MAD2L1BP: variants seen among roughly 807,000 people sequenced by gnomAD.
The protein encoded by MAD2L1BP is MAD2L1-binding protein.
Under a neutral mutation model 28.4 loss-of-function variants are expected in MAD2L1BP, and 22 were observed. The ratio of observed to expected loss-of-function variants is 0.77; its 90% CI spans 0.55 to 1.10. MAD2L1BP has a LOEUF of 1.10. Ranked by LOEUF, MAD2L1BP falls within the 50% of genes least tolerant of loss-of-function variation. MAD2L1BP has a pLI of 0.00. For synonymous variants in MAD2L1BP, 146 were observed against 133.7 expected (o/e 1.09, Z -0.63); for missense variants, 325 against 350.5 (o/e 0.93, Z 0.58).
chr6:43,629,633 G>A, exon 1 of MAD2L1BP: 1 of 1,106,696 alleles, frequency 9.0e-7, no homozygotes, highest in Non-Finnish European at 1.3e-6. Flanking sequence ...GGCGCTCCGG[G>A]ATTTGGCCCT....
intron 2 of MAD2L1BP, among the ~76,000 whole-genome samples, chr6:43,637,156 C>A (rs759265794): frequency 6.6e-6 from 1 of 152,088 alleles, no homozygotes; most frequent in Non-Finnish European, 1.5e-5. Context: ...CCTCCATGTC[C>A]CAGGTTCAAG....
Position 43,640,616 on chromosome 6 carries a change from T to C in MAD2L1BP, c.*83T>C, listed in dbSNP as rs1770510496. Reference sequence around the variant, plus strand: ...CTGAATCACCCATCTGGTTTGGAGCTAGAGTTGCTTCCTGGTGAGAGAGGA... The same window carrying C: ...CTGAATCACCCATCTGGTTTGGAGCCAGAGTTGCTTCCTGGTGAGAGAGGA... On this transcript the variant is annotated 3_prime_UTR_variant, in exon 3 of 3. Transcript: ENST00000372171. 23 of 1,438,418 alleles carry C rather than the reference T, an allele frequency of 1.6e-5. No individual in the cohort carries two copies. The East Asian group carries it at 4.9e-4, about 31-fold the overall frequency. The allele number at this position is 1,438,418 out of a possible 1,614,324, so 89.1% of individuals were successfully genotyped here.
chr6:43,635,634 G>C (rs1179506078), upstream of MAD2L1BP, among the ~76,000 whole-genome samples: 2 of 152,264 alleles, frequency 1.3e-5, no homozygotes, highest in Admixed American at 6.5e-5. Context: ...CTTTTAGAAA[G>C]CAGCGCTCAG....
chr6:43,636,185 G>A (rs938654760), intron 1 of MAD2L1BP, among the ~76,000 whole-genome samples, 196 bp from the exon 2 acceptor site: 1 of 152,090 alleles, frequency 6.6e-6, no homozygotes, highest in East Asian at 1.9e-4. Context: ...TCTTGCAGTC[G>A]ATTAAATCTC....
chr6:43,634,220 C>CTTTTTTTTTTTT (rs751773637), upstream of MAD2L1BP, among the ~76,000 whole-genome samples: 1 of 103,686 alleles, frequency 9.6e-6, no homozygotes, highest in African/African-American at 4.1e-5. Context: ...TTCTTTTTTT[C>CTTTTTTTTTTTT]TTTTTTTTTT....
At position 43,640,886 on chromosome 6, in the gene MAD2L1BP, C is replaced by T. The variant is rs1218402780; in HGVS notation, c.*353C>T. ...GTCCTTTCAGAATTTTTACCAGGAA[C>T]ATAATGTGGATGTGACTTATGAACT... On this transcript the variant is annotated 3_prime_UTR_variant, in exon 3 of 3. Coordinates refer to ENST00000372171, the MANE Select transcript of MAD2L1BP (RefSeq NM_014628.3). 1 of 238,640 alleles carries T rather than the reference C, an allele frequency of 4.2e-6. No individual in the cohort carries two copies. Among genetic ancestry groups the T allele is most frequent in the Non-Finnish European group, 8.1e-6 (1 of 123,434 alleles). The allele number at this position is 238,640 out of a possible 1,614,324, so 14.8% of individuals were successfully genotyped here.
chr6:43,630,107 A>G (rs1301264154), intron 1 of MAD2L1BP, among the ~76,000 whole-genome samples: 2 of 152,208 alleles, frequency 1.3e-5, no homozygotes, highest in Non-Finnish European at 2.9e-5. Flanking sequence ...GGGCGGGGCT[A>G]GGGCTCGGGT....
Position 43,640,293 on chromosome 6 carries a change from C to T in MAD2L1BP, c.585C>T (p.Phe195=). 1 of 1,613,706 alleles carries T rather than the reference C, an allele frequency of 6.2e-7. No individual in the cohort carries two copies. Among genetic ancestry groups the T allele is most frequent in the Non-Finnish European group, 8.5e-7 (1 of 1,179,750 alleles). The change falls in exon 3 of 3, where the codon TTC becomes TTT. Residue 195 remains phenylalanine (F), a synonymous_variant. Transcript: ENST00000372171. ...ACLRRLFRAI[F]MADAFSELQA... The stretch of plus-strand genomic sequence containing the variant: ...TGCGCCGTCTCTTCCGAGCCATATT[C>T]ATGGCTGATGCCTTTAGCGAGCTTC...
At chr6:43,632,196 G>A (rs553972138), upstream of MAD2L1BP, among the ~76,000 whole-genome samples, 5 of 150,872 alleles carry the variant, frequency 3.3e-5, no homozygotes, top group East Asian at 2.0e-4. Flanking sequence ...CACCGTGCCC[G>A]GCCCTGTTTA....
In MAD2L1BP at chr6:43,640,180, G is replaced by C; in HGVS notation, c.472G>C (p.Ala158Pro). The C allele has an allele frequency of 6.2e-7, 1 of 1,613,654 alleles. No homozygotes were observed. Among genetic ancestry groups the C allele is most frequent in the Non-Finnish European group, 8.5e-7 (1 of 1,179,706 alleles). The change falls in exon 3 of 3, where the codon GCC becomes CCC. Residue 158 changes from alanine (A) to proline (P), a missense_variant. By Grantham distance (27) the Ala-to-Pro change is conservative (BLOSUM62 -1). Transcript: ENST00000372171. The stretch of plus-strand genomic sequence containing the variant: ...AGTGCTGATTCTCCTTGGGGGCAAT[G>C]CCCTAAGCCCCAAGGAGTTCTATGA... Reference protein sequence around the residue: ...PRVLILLGGNALSPKEFYELD... With the variant: ...PRVLILLGGNPLSPKEFYELD...
upstream of MAD2L1BP, among the ~76,000 whole-genome samples, chr6:43,633,861 C>T (rs1056760921): frequency 2.0e-5 from 3 of 152,192 alleles, no homozygotes; most frequent in African/African-American, 7.2e-5. Context: ...AGGCATGAGC[C>T]ACCTTGCCCG....
upstream of MAD2L1BP, among the ~76,000 whole-genome samples, chr6:43,632,087 C>T (rs912753452): frequency 6.6e-6 from 1 of 151,532 alleles, no homozygotes; most frequent in African/African-American, 2.4e-5. Flanking sequence ...TTAGTAGAGA[C>T]GGTGGTTTCT....
At chr6:43,629,868 T>A (rs1769787397) in intron 1 of MAD2L1BP, 1 of 1,403,386 alleles carries the variant, frequency 7.1e-7, no homozygotes, top group Non-Finnish European at 9.6e-7. Context: ...TAGTAGTCAC[T>A]GCTTTATTAC....
At chr6:43,634,220 C>CTTTTTTTTTTTTTTTTTTTTTT (rs751773637), upstream of MAD2L1BP, among the ~76,000 whole-genome samples, 27 of 103,660 alleles carry the variant, frequency 2.6e-4, no homozygotes, top group African/African-American at 5.3e-4. Flanking sequence ...TTCTTTTTTT[C>CTTTTTTTTTTTTTTTTTTTTTT]TTTTTTTTTT....
At chr6:43,630,202 C>A (rs1336284896) in intron 1 of MAD2L1BP, among the ~76,000 whole-genome samples, 1 of 152,222 alleles carries the variant, frequency 6.6e-6, no homozygotes, top group African/African-American at 2.4e-5. Context: ...TTTTGACTCT[C>A]TTGTGAAGCA....
chr6:43,632,578 T>C (rs1769985666), upstream of MAD2L1BP, among the ~76,000 whole-genome samples: 1 of 151,904 alleles, frequency 6.6e-6, no homozygotes, highest in South Asian at 2.1e-4. Flanking sequence ...ATTTTAATCA[T>C]TGTACTTTTA....
upstream of MAD2L1BP, chr6:43,633,260 CCT>C: frequency 2.4e-6 from 1 of 410,230 alleles, no homozygotes; most frequent in South Asian, 1.7e-5. Context: ...ACAACTTCCG[CCT>C]CCCAGGTTCA....
upstream of MAD2L1BP, among the ~76,000 whole-genome samples, chr6:43,633,883 A>C (rs1033850416): frequency 1.4e-4 from 21 of 151,934 alleles, no homozygotes; most frequent in Non-Finnish European, 1.8e-4. Flanking sequence ...CCATTTGTCT[A>C]TTTTTCTTTA....
At chr6:43,633,202 T>G (rs1180782096), upstream of MAD2L1BP, 1 of 432,222 alleles carries the variant, frequency 2.3e-6, no homozygotes. Flanking sequence ...AGGCGGAGTC[T>G]CACTCTGTCA....
Sources: gnomAD v4.1 joint callset for allele counts (sites outside exome capture counted in the v4.1 genomes callset) on GRCh38, gnomAD v4.1.1 for gene constraint, MANE v1.5 for transcripts, NCBI Gene and HGNC (gene_info 2026-07-23, HGNC 2026-07-21) for gene names.